Variants in CACNA1E observed in about 807,000 individuals in gnomAD.
The protein encoded by CACNA1E is calcium voltage-gated channel subunit alpha1 E.
A neutral mutation model predicts 259.2 loss-of-function variants in CACNA1E; 40 were observed. The observed-to-expected ratio is 0.15, with a 90% confidence interval of 0.12 to 0.20. The LOEUF (loss-of-function observed/expected upper bound fraction) is 0.20, where lower values mean the gene tolerates loss of function less well. CACNA1E is among the 10% of genes least tolerant of loss of function. The pLI, the probability that CACNA1E is intolerant of heterozygous loss-of-function variation, is 1.00. For missense variants in CACNA1E, 1,874 were observed against 3,040.1 expected (o/e 0.62, Z 9.02); for synonymous variants, 1,104 against 1,138.5 (o/e 0.97, Z 0.61).
intron 7 of CACNA1E, among the ~76,000 whole-genome samples, chr1:181,667,024 A>G (rs936454988): frequency 1.3e-5 from 2 of 152,184 alleles, no homozygotes; most frequent in East Asian, 1.9e-4. Flanking sequence ...ATGCAAATCA[A>G]TAAGCCATAA....
At chr1:181,731,937 G>A (rs996486169) in intron 19 of CACNA1E, among the ~76,000 whole-genome samples, 5 of 151,900 alleles carry the variant, frequency 3.3e-5, no homozygotes, top group African/African-American at 9.7e-5. Context: ...CATTATCCCG[G>A]GCTGTAACCT....
At chr1:181,516,399 A>G (rs1259677490) in intron 3 of CACNA1E, among the ~76,000 whole-genome samples, 1 of 151,448 alleles carries the variant, frequency 6.6e-6, no homozygotes, top group Non-Finnish European at 1.5e-5. Context: ...TCTAATCCTA[A>G]AAATGTACCA....
intron 6 of CACNA1E, among the ~76,000 whole-genome samples, chr1:181,596,709 G>A (rs1248517070): frequency 6.6e-5 from 10 of 152,106 alleles, no homozygotes; most frequent in Non-Finnish European, 1.5e-5. Context: ...ACTTGATAAA[G>A]GGTGTTTCTT....
intron 25 of CACNA1E, among the ~76,000 whole-genome samples, chr1:181,742,063 C>T (rs762898791): frequency 4.6e-5 from 7 of 152,202 alleles, no homozygotes; most frequent in African/African-American, 7.2e-5. Context: ...CCCCTTTCTC[C>T]GCTCATGGAG....
chr1:181,594,754 C>T (rs1337954236), intron 6 of CACNA1E, among the ~76,000 whole-genome samples: 3 of 152,178 alleles, frequency 2.0e-5, no homozygotes, highest in Non-Finnish European at 2.9e-5. Context: ...AGGCAAGTCA[C>T]GTGACCTCAG....
chr1:181,547,682 G>T (rs936837541), intron 3 of CACNA1E, among the ~76,000 whole-genome samples: 3 of 152,224 alleles, frequency 2.0e-5, no homozygotes, highest in East Asian at 1.9e-4. Context: ...CATCAACAGC[G>T]GCGGAGATGC....
At chr1:181,752,351 A>C in intron 27 of CACNA1E, 112 bp downstream of exon 27, 3 of 770,386 alleles carry the variant, frequency 3.9e-6, no homozygotes, top group Non-Finnish European at 6.7e-6. Context: ...TTTTTCTCAC[A>C]CGGATATCGA....
At chr1:181,504,461 T>G (rs1665537824) in intron 1 of CACNA1E, among the ~76,000 whole-genome samples, 1 of 152,218 alleles carries the variant, frequency 6.6e-6, no homozygotes, top group South Asian at 2.1e-4. Flanking sequence ...TACAGAGGTC[T>G]TCAGGATGAG....
rs1161380247 is a variant in CACNA1E at position 181,801,231 on chromosome 1, A to C, written c.*2397A>C. On this transcript the variant is annotated 3_prime_UTR_variant, in exon 48 of 48. Transcript: ENST00000367573. ...AGTCTATTGCATGGTGTTTTGAGAA[A>C]GGGAATTTTAGTGACACCTTATGCC... 1 of 152,682 alleles carries C rather than the reference A, an allele frequency of 6.5e-6. No individual in the cohort carries two copies. The highest frequency in any genetic ancestry group is 1.5e-5 in the Non-Finnish European group (1 of 68,040). 9.5% of individuals were successfully genotyped at this position (152,682 alleles called of 1,614,324 possible).
chr1:181,664,938 T>G (rs1035612375), intron 7 of CACNA1E, among the ~76,000 whole-genome samples: 1 of 152,224 alleles, frequency 6.6e-6, no homozygotes, highest in Non-Finnish European at 1.5e-5. Flanking sequence ...AGCGAACTGT[T>G]GACAATTAGA....
At position 181,801,980 on chromosome 1, in the gene CACNA1E, C is replaced by CACTT. The variant is rs1288889823; in HGVS notation, c.*3148_*3151dup. 16 of 152,294 alleles carry CACTT rather than the reference C, an allele frequency of 1.1e-4. No individual in the cohort carries two copies. Among genetic ancestry groups the CACTT allele is most frequent in the African/African-American group, 3.6e-4 (15 of 41,562 alleles). 9.4% of individuals were successfully genotyped at this position (152,294 alleles called of 1,614,324 possible). Reference sequence around the variant, plus strand: ...GTTTGCATTTAGTTACCCCTCATTTCACTTAAGGCTCCAGACAGACTCCAG... The same window carrying CACTT: ...GTTTGCATTTAGTTACCCCTCATTTCACTTACTTAAGGCTCCAGACAGACTCCAG... On this transcript the variant is annotated 3_prime_UTR_variant, in exon 48 of 48. Coordinates refer to ENST00000367573, the MANE Select transcript of CACNA1E (RefSeq NM_001205293.3).
At chr1:181,536,223 T>C (rs1438970145) in intron 3 of CACNA1E, among the ~76,000 whole-genome samples, 1 of 152,192 alleles carries the variant, frequency 6.6e-6, no homozygotes, top group Non-Finnish European at 1.5e-5. Flanking sequence ...TAATTTTGCT[T>C]CTCTCCATTT....
intron 1 of CACNA1E, among the ~76,000 whole-genome samples, chr1:181,384,299 A>G (rs1655678268): frequency 6.6e-6 from 1 of 152,198 alleles, no homozygotes; most frequent in African/African-American, 2.4e-5. Context: ...TATAGTATAC[A>G]TCTCAGCTGG....
At chr1:181,372,391 C>G (rs183477206) in intron 1 of CACNA1E, among the ~76,000 whole-genome samples, 1 of 152,004 alleles carries the variant, frequency 6.6e-6, no homozygotes, top group Non-Finnish European at 1.5e-5. Context: ...TGATTTGGCT[C>G]TCAGCTTGGA....
chr1:181,438,374 C>T (rs1281666970), intron 2 of CACNA1E, among the ~76,000 whole-genome samples: 1 of 152,150 alleles, frequency 6.6e-6, no homozygotes, highest in Non-Finnish European at 1.5e-5. Flanking sequence ...TCCTGGTTTT[C>T]TGGGTAGTAC....
chr1:181,614,735 A>G (rs1252544333), intron 6 of CACNA1E, among the ~76,000 whole-genome samples: 2 of 152,228 alleles, frequency 1.3e-5, no homozygotes, highest in Admixed American at 6.5e-5. Context: ...AAGTTTTGAT[A>G]CATTTTAACT....
chr1:181,731,863 T>G (rs1401846020), intron 19 of CACNA1E, among the ~76,000 whole-genome samples: 1 of 152,068 alleles, frequency 6.6e-6, no homozygotes, highest in Non-Finnish European at 1.5e-5. Context: ...ATATCAAGAC[T>G]TTTTGTAATA....
At chr1:181,752,387 A>T in intron 27 of CACNA1E, 148 bp downstream of exon 27, 1 of 644,386 alleles carries the variant, frequency 1.6e-6, no homozygotes, top group Non-Finnish European at 2.7e-6. Flanking sequence ...CCTGAGCTAA[A>T]GGTCTTAGTT....
chr1:181,585,030 C>A (rs1446025913), intron 6 of CACNA1E, among the ~76,000 whole-genome samples: 1 of 151,908 alleles, frequency 6.6e-6, no homozygotes, highest in Non-Finnish European at 1.5e-5. Flanking sequence ...CTGCCTCAAA[C>A]AACCCCATCT....
Sources: gnomAD v4.1 joint callset for allele counts (sites outside exome capture counted in the v4.1 genomes callset) on GRCh38, gnomAD v4.1.1 for gene constraint, MANE v1.5 for transcripts, NCBI Gene and HGNC (gene_info 2026-07-23, HGNC 2026-07-21) for gene names.